The following ALOX12 variants were observed in gnomAD, a reference collection of about 807,000 sequenced individuals.
The protein encoded by ALOX12 is arachidonate 12-lipoxygenase, 12S type.
Under a neutral mutation model 85.5 loss-of-function variants are expected in ALOX12, and 62 were observed. The observed-to-expected ratio is 0.73, with a 90% CI of 0.59 to 0.90. The LOEUF is 0.90. Ranked by LOEUF, ALOX12 falls within the 40% of genes least tolerant of loss-of-function variation. The pLI is 0.00. For missense variants in ALOX12, 751 were observed against 856.5 expected (o/e 0.88, Z 1.54); for synonymous variants, 299 against 332.7 (o/e 0.90, Z 1.10).
At chr17:6,998,617 C>A (rs771526707) in intron 3 of ALOX12, 27 bp downstream of exon 3, 1 of 1,610,220 alleles carries the variant, frequency 6.2e-7, no homozygotes, top group Non-Finnish European at 8.5e-7. Flanking sequence ...TAAACTAACC[C>A]CGCCACCACT....
intron 11 of ALOX12, 82 bp downstream of exon 11, chr17:7,006,689 G>C: frequency 6.7e-7 from 1 of 1,494,640 alleles, no homozygotes; most frequent in Middle Eastern, 1.8e-4. Flanking sequence ...CTGGGGACAG[G>C]ACCCCAGCCT....
At position 7,009,853 on chromosome 17, in the gene ALOX12, G is replaced by C; in HGVS notation, c.1641+6G>C. The C allele has an allele frequency of 6.2e-7, 1 of 1,614,152 alleles. No homozygotes were observed. Among genetic ancestry groups the C allele is most frequent in the African/African-American group, 1.3e-5 (1 of 75,032 alleles). On this transcript the variant is annotated splice_donor_region_variant and intron_variant, in intron 12 of 13. Transcript: ENST00000251535. ...CCGCCATCAACCAGGGCCAGGTATG[G>C]ACAGCTGAAAGCCCAGGTCCCTGAA... is the stretch of plus-strand genomic sequence containing the variant.
chr17:7,002,399 G>A (rs1394592096), intron 8 of ALOX12: 24 of 434,282 alleles, frequency 5.5e-5, no homozygotes, highest in South Asian at 1.0e-4. Flanking sequence ...TAGCTGCAGC[G>A]TGCCTGGGTG....
chr17:7,002,660 A>G (rs763726821), intron 8 of ALOX12: 3 of 364,764 alleles, frequency 8.2e-6, no homozygotes, highest in South Asian at 2.1e-5. Context: ...CTGTAATTTT[A>G]TAAAACAGTG....
chr17:7,001,328 C>T (rs977776994), intron 7 of ALOX12: 2 of 489,746 alleles, frequency 4.1e-6, no homozygotes, highest in African/African-American at 3.9e-5. Context: ...TCACATTCCA[C>T]CACCATCTGA....
chr17:7,003,176 T>G lies in ALOX12; in HGVS notation c.1161+1365T>G, dbSNP rs371605539. On this transcript the variant is annotated intron_variant, in intron 8 of 13. Transcript: ENST00000251535. The stretch of plus-strand genomic sequence containing the variant: ...TTCCTAGTTCAGTCCTCTCCGTGTC[T>G]CCACTCACCACAGTAATGCCATGCC... Among the ~76,000 whole-genome samples, 9 of 152,320 alleles carry G rather than the reference T, an allele frequency of 5.9e-5. 1 individual carries two copies. The highest frequency in any genetic ancestry group is 2.6e-4 in the Admixed American group (4 of 15,292).
intron 8 of ALOX12, among the ~76,000 whole-genome samples, chr17:7,004,186 TAAAC>T (rs1044181042): frequency 1.4e-5 from 2 of 145,618 alleles, no homozygotes; most frequent in Non-Finnish European, 3.0e-5. Context: ...TAATTTTAAA[TAAAC>T]ATTTAAATTT....
At chr17:7,005,190 AGGCCCTACCAGGAAGGACCCAAGCAT>A in intron 8 of ALOX12, 41 bp from the exon 9 acceptor site, 1 of 1,394,310 alleles carries the variant, frequency 7.2e-7, no homozygotes, top group Non-Finnish European at 1.0e-6. Context: ...GCTGGGTGCC[AGGCCCTACCAGGAAGGACCCAAGCAT>A]GGCCTCCACC....
intron 8 of ALOX12, chr17:7,002,621 CTAAA>C (rs1323157972): frequency 5.0e-6 from 2 of 400,168 alleles, no homozygotes; most frequent in African/African-American, 2.1e-5. Flanking sequence ...GTCCCGGTCT[CTAAA>C]TAAAAAGAAA....
At chr17:6,999,656 GA>G in intron 6 of ALOX12, 190 bp downstream of exon 6, 1 of 604,556 alleles carries the variant, frequency 1.7e-6, no homozygotes, top group South Asian at 2.1e-5. Flanking sequence ...GCAGGAAGGG[GA>G]AAATAGAATG....
intron 1 of ALOX12, 48 bp from the exon 2 acceptor site, chr17:6,996,778 T>C: frequency 1.3e-6 from 2 of 1,561,496 alleles, no homozygotes; most frequent in Non-Finnish European, 8.7e-7. Flanking sequence ...CGAAACGGCC[T>C]CAGTCGGGTC....
intron 8 of ALOX12, chr17:7,002,345 A>G: frequency 2.7e-6 from 1 of 370,420 alleles, no homozygotes; most frequent in East Asian, 8.3e-5. Flanking sequence ...TAATGACAGG[A>G]ATGAAAAGGA....
At chr17:7,001,477 G>T in intron 7 of ALOX12, 125 bp from the exon 8 acceptor site, 1 of 1,035,650 alleles carries the variant, frequency 9.7e-7, no homozygotes, top group South Asian at 1.5e-5. Context: ...AGGGTTCACA[G>T]TCCTCCTGCT....
chr17:7,001,572 T>C lies in ALOX12; in HGVS notation c.952-30T>C, dbSNP rs772765980. 7.0e-6 allele frequency: 11 copies of C among 1,566,976 alleles called. No homozygotes were observed. The East Asian group carries it at 1.3e-4, about 19-fold the overall frequency. On this transcript the variant is annotated intron_variant, in intron 7 of 13. Transcript: ENST00000251535. ...GCTGACTATAATGTCATATACGGAA[T>C]GGGAGTTCAATAATTTCTCTTTCTC...
rs770058705 is a variant in ALOX12 at position 7,009,814 on chromosome 17, C to T, written c.1608C>T (p.Cys536=). The T allele has an allele frequency of 6.2e-7, 1 of 1,614,118 alleles. No homozygotes were observed. Among genetic ancestry groups the T allele is most frequent in the East Asian group, 2.2e-5 (1 of 44,902 alleles). Reference sequence around the variant, plus strand: ...TCCTCACCATGTGCGTCTTCACGTGCACTGCCCAGCATGCCGCCATCAACC... The same window carrying T: ...TCCTCACCATGTGCGTCTTCACGTGTACTGCCCAGCATGCCGCCATCAACC... ...CHFLTMCVFT[C]TAQHAAINQG... is the part of the protein sequence containing the mutation. Residue 536 remains cysteine, a synonymous_variant, in exon 12 of 14, where the codon TGC becomes TGT. Coordinates refer to ENST00000251535, the MANE Select transcript of ALOX12 (RefSeq NM_000697.3).
intron 8 of ALOX12, among the ~76,000 whole-genome samples, chr17:7,004,236 A>G (rs1908893187): frequency 6.9e-6 from 1 of 144,710 alleles, no homozygotes; most frequent in African/African-American, 2.5e-5. Context: ...ATTTAATATT[A>G]ATTTAACTTA....
In ALOX12 at chr17:6,996,985, TG is replaced by T; in HGVS notation, c.298del (p.Val100CysfsTer7). On this transcript the variant is annotated frameshift_variant, in exon 2 of 14. Transcript: ENST00000251535. LOFTEE classifies it high-confidence loss of function. Reference sequence around the variant, plus strand: ...GGAGGTGGCCTTCCCGTGCTACCGCTGGGTGCAGGGCGAGGACATCCTGAGC... The same window carrying T: ...GGAGGTGGCCTTCCCGTGCTACCGCTGGTGCAGGGCGAGGACATCCTGAGC... Reference protein sequence around the residue: ...CAEVAFPCYRWVQGEDILSLP... With the variant: ...CAEVAFPCYRXVQGEDILSLP... The T allele has an allele frequency of 2.5e-6, 4 of 1,570,938 alleles. No homozygotes were observed. The highest frequency in any genetic ancestry group is 3.5e-6 in the Non-Finnish European group (4 of 1,157,962).
At chr17:7,006,160 A>T (rs889105987) in intron 10 of ALOX12, 133 bp downstream of exon 10, 15 of 823,074 alleles carry the variant, frequency 1.8e-5, no homozygotes, top group Non-Finnish European at 1.9e-6. Context: ...AGATGAGGAA[A>T]AGTGAGGACA....
chr17:7,010,223 T>G, intron 13 of ALOX12, 21 bp from the exon 14 acceptor site: 1 of 1,607,986 alleles, frequency 6.2e-7, no homozygotes, highest in Non-Finnish European at 8.5e-7. Context: ...AGAAACTGAC[T>G]GATCCTTTGT....
Sources: gnomAD v4.1 joint callset for allele counts (sites outside exome capture counted in the v4.1 genomes callset) on GRCh38, gnomAD v4.1.1 for gene constraint, MANE v1.5 for transcripts, NCBI Gene and HGNC (gene_info 2026-07-23, HGNC 2026-07-21) for gene names.